Variants in MACF1 observed in about 807,000 individuals in gnomAD.
MACF1 encodes microtubule-actin cross-linking factor 1.
A neutral mutation model predicts 854.8 loss-of-function variants in MACF1; 193 were observed. The ratio of observed to expected loss-of-function variants is 0.23; its 90% CI spans 0.20 to 0.25. MACF1 has a LOEUF of 0.25. Ranked by LOEUF, MACF1 falls within the 10% of genes least tolerant of loss-of-function variation. MACF1 has a pLI of 1.00. For synonymous variants in MACF1, 3,185 were observed against 3,226.7 expected, an observed-to-expected ratio of 0.99 and a Z score of 0.44; for missense variants, 7,722 against 8,929.1, an observed-to-expected ratio of 0.86 and a Z score of 5.45.
At chr1:39,246,148 C>T (rs1644978990) in intron 2 of MACF1, among the ~76,000 whole-genome samples, 1 of 152,040 alleles carries the variant, frequency 6.6e-6, no homozygotes, top group African/African-American at 2.4e-5. Context: ...GATTGCTTTT[C>T]CATCTCCTGC....
Position 39,357,828 on chromosome 1 carries a change from A to G in MACF1, c.11878A>G (p.Ile3960Val), listed in dbSNP as rs377323910. Residue 3960 changes from isoleucine (I) to valine (V), a missense_variant, in exon 45 of 101, where the codon ATT (isoleucine) becomes GTT (valine). Coordinates refer to ENST00000564288, the MANE Select transcript of MACF1 (RefSeq NM_001394062.1). ...SFKEGKEPSEIGNLVKDKLKD... is the reference protein window; with the variant it reads ...SFKEGKEPSEVGNLVKDKLKD... ...TAAGGAAGGCAAAGAACCATCAGAA[A>G]TTGGAAACTTAGTAAAGGACAAGTT... The G allele has an allele frequency of 1.2e-5, 20 of 1,614,054 alleles. No individual in the cohort carries two copies. Among genetic ancestry groups the G allele is most frequent in the Non-Finnish European group, 1.6e-5 (19 of 1,180,040 alleles).
chr1:39,307,901 C>CTTTTTTTTTTTT lies in MACF1; in HGVS notation c.2790-1659_2790-1648dup, dbSNP rs34930273. Among the ~76,000 whole-genome samples, 128 of 50,402 alleles carry CTTTTTTTTTTTT rather than the reference C, an allele frequency of 2.5e-3. 4 individuals are homozygous for CTTTTTTTTTTTT. Among genetic ancestry groups the CTTTTTTTTTTTT allele is most frequent in the East Asian group, 4.8e-3 (7 of 1,450 alleles). 33.1% of individuals were successfully genotyped at this position (50,402 alleles called of 152,430 possible). A position where few individuals can be genotyped will look rare whatever the true frequency, so the allele number is the denominator to read the frequency against. ...TTATTTCTCTTTTCTTTCTTTCTTT[C>CTTTTTTTTTTTT]TTTTTTTTTTTTTTTTTTTTTGAGA... On this transcript the variant is annotated intron_variant, in intron 23 of 100. Transcript: ENST00000564288.
intron 2 of MACF1, among the ~76,000 whole-genome samples, chr1:39,170,307 C>T (rs1001571906): frequency 2.6e-5 from 4 of 152,134 alleles, no homozygotes; most frequent in South Asian, 2.1e-4. Flanking sequence ...ATTATTCCCA[C>T]GGTGCCTCGC....
intron 1 of MACF1, among the ~76,000 whole-genome samples, chr1:39,216,955 C>G (rs1357671023): frequency 6.6e-6 from 1 of 152,142 alleles, no homozygotes; most frequent in Non-Finnish European, 1.5e-5. Flanking sequence ...ACACGGGGTT[C>G]CTACTCCACC....
At chr1:39,378,600 C>A in intron 53 of MACF1, 77 bp downstream of exon 53, 1 of 1,377,646 alleles carries the variant, frequency 7.3e-7, no homozygotes, top group Non-Finnish European at 1.0e-6. Flanking sequence ...GTGTATGTTG[C>A]AATATGTGGT....
chr1:39,450,304 A>ATT (rs558073532), intron 84 of MACF1, among the ~76,000 whole-genome samples: 10,239 of 148,932 alleles, frequency 0.069, 896 homozygotes, highest in African/African-American at 0.21. Flanking sequence ...CTGTACTCCA[A>ATT]TTTTTTTTTT....
intron 77 of MACF1, 22 bp downstream of exon 77, chr1:39,442,589 T>G: frequency 6.2e-7 from 1 of 1,613,738 alleles, no homozygotes; most frequent in East Asian, 2.2e-5. Flanking sequence ...CATTTTTTCA[T>G]CTCTAACCCT....
At chr1:39,382,810 C>T (rs141596133) in intron 56 of MACF1, among the ~76,000 whole-genome samples, 18 of 151,920 alleles carry the variant, frequency 1.2e-4, no homozygotes, top group South Asian at 1.0e-3. Flanking sequence ...GATTTAAGTG[C>T]CTAACATCAT....
chr1:39,261,001 T>C (rs955913885), intron 6 of MACF1, among the ~76,000 whole-genome samples: 1 of 152,316 alleles, frequency 6.6e-6, no homozygotes, highest in Non-Finnish European at 1.5e-5. Context: ...TTGAAGTCAC[T>C]TGAAATAATT....
intron 2 of MACF1, among the ~76,000 whole-genome samples, chr1:39,088,205 C>T (rs919902373): frequency 1.3e-5 from 2 of 152,096 alleles, no homozygotes; most frequent in Admixed American, 6.5e-5. Context: ...ATCTCCTGAC[C>T]TCGTGATCCG....
chr1:39,472,495 C>T (rs1455698293), intron 97 of MACF1, among the ~76,000 whole-genome samples: 1 of 152,054 alleles, frequency 6.6e-6, no homozygotes, highest in Non-Finnish European at 1.5e-5. Context: ...TTTTTTAATT[C>T]TTAAAATTGG....
At chr1:39,307,404 T>C (rs895162197) in intron 23 of MACF1, among the ~76,000 whole-genome samples, 8 of 152,228 alleles carry the variant, frequency 5.3e-5, no homozygotes, top group African/African-American at 1.7e-4. Context: ...CTGATACTTT[T>C]ACCTTTTGAA....
At chr1:39,453,977 A>T in intron 88 of MACF1, 127 bp downstream of exon 88, 2 of 1,152,260 alleles carry the variant, frequency 1.7e-6, no homozygotes, top group Non-Finnish European at 2.5e-6. Flanking sequence ...AATTAAGTTA[A>T]CATTTTAGTA....
At chr1:39,392,518 T>C (rs1397009499) in intron 58 of MACF1, among the ~76,000 whole-genome samples, 1 of 152,182 alleles carries the variant, frequency 6.6e-6, no homozygotes, top group Non-Finnish European at 1.5e-5. Flanking sequence ...AGTTTTCAGC[T>C]CTTTTTTTAA....
Position 39,435,686 on chromosome 1 carries a change from C to G in MACF1, c.17913C>G (p.Asn5971Lys). Residue 5971 changes from asparagine (N) to lysine (K), a missense_variant, in exon 70 of 101, where the codon AAC becomes AAG. Around this residue, in one of 15 missense-constraint regions of MACF1, gnomAD observed 2,807 missense variants for 3,235.8 expected, o/e 0.87. Coordinates refer to ENST00000564288, the MANE Select transcript of MACF1 (RefSeq NM_001394062.1). ...MVEEKYQKAE[N>K]MYAQIKEEVR... ...AAGAAAAATACCAGAAAGCAGAAAA[C>G]ATGTATGCCCAAATAAAGGAGGAGG... 1 of 1,614,112 alleles carries G rather than the reference C, an allele frequency of 6.2e-7. No homozygotes were observed. Among genetic ancestry groups the G allele is most frequent in the Non-Finnish European group, 8.5e-7 (1 of 1,180,008 alleles).
In MACF1 at chr1:39,357,252, G is replaced by A; in HGVS notation, c.11425-123G>A. On this transcript the variant is annotated intron_variant, in intron 44 of 100. Transcript: ENST00000564288. ...TGTATGACTTGACAGCAATGTGGGT[G>A]AAAAGACCAAGGCTGAATGTAAGCA... is the stretch of plus-strand genomic sequence containing the variant. The A allele has an allele frequency of 3.6e-6, 4 of 1,118,958 alleles. No homozygotes were observed. In the East Asian group the frequency reaches 7.1e-5, roughly 20 times the overall value. The allele number at this position is 1,118,958 out of a possible 1,614,324, so 69.3% of individuals were successfully genotyped here. A position where few individuals can be genotyped will look rare whatever the true frequency, so the allele number is the denominator to read the frequency against.
chr1:39,200,709 A>G (rs1004366413), upstream of MACF1, among the ~76,000 whole-genome samples: 12 of 151,972 alleles, frequency 7.9e-5, no homozygotes, highest in East Asian at 1.2e-3. Flanking sequence ...AGAGAAAAAA[A>G]AAAAAAGAAA....
At chr1:39,185,538 A>T (rs1034799639) in intron 2 of MACF1, among the ~76,000 whole-genome samples, 4 of 152,080 alleles carry the variant, frequency 2.6e-5, no homozygotes, top group Non-Finnish European at 5.9e-5. Flanking sequence ...TAAACCCAAG[A>T]TATATCAGAA....
At chr1:39,303,872 G>A (rs1274327957) in intron 23 of MACF1, among the ~76,000 whole-genome samples, 12 of 147,816 alleles carry the variant, frequency 8.1e-5, no homozygotes, top group East Asian at 2.0e-4. Context: ...GGGAGACTCC[G>A]TCTCAAAAAA....
Sources: allele counts gnomAD v4.1 joint callset (sites outside exome capture counted in the v4.1 genomes callset), GRCh38; gene constraint gnomAD v4.1.1; regional missense constraint gnomAD v4.1.1; transcripts MANE v1.5; gene names NCBI Gene and HGNC (gene_info 2026-07-23, HGNC 2026-07-21).